MGST3: variants seen among roughly 807,000 people sequenced by gnomAD.
The protein encoded by MGST3 is glutathione S-transferase 3, mitochondrial.
A neutral mutation model predicts 15.8 loss-of-function variants in MGST3; 13 were observed. The ratio of observed to expected loss-of-function variants is 0.82; its 90% CI spans 0.54 to 1.31. The LOEUF (loss-of-function observed/expected upper bound fraction) is 1.31, where lower values mean the gene tolerates loss of function less well. Ranked by LOEUF, MGST3 falls within the 50% of genes most tolerant of loss-of-function variation. The pLI is 0.00. For missense variants in MGST3, 155 were observed against 192.4 expected (o/e 0.81, Z 1.15); for synonymous variants, 49 against 68.1 (o/e 0.72, Z 1.38).
chr1:165,644,570 CT>C (rs745787283), intron 1 of MGST3, among the ~76,000 whole-genome samples: 26 of 152,232 alleles, frequency 1.7e-4, no homozygotes, highest in Non-Finnish European at 3.4e-4. Flanking sequence ...TGCTGCAGAC[CT>C]TACGTACACT....
rs948017282 is a variant in MGST3, at chr1:165,633,444, A to AT, written c.-8+2160dup. Among the ~76,000 whole-genome samples the AT allele has an allele frequency of 3.7e-3, 552 of 149,572 alleles. 4 individuals are homozygous for AT. Among genetic ancestry groups the AT allele is most frequent in the African/African-American group, 0.012 (487 of 40,740 alleles). The stretch of plus-strand genomic sequence containing the variant: ...TTTAGTTGCCTTATTTCCACCCTTC[A>AT]TTTTTTTTTATTTTTTTAAAGCAAA... On this transcript the variant is annotated intron_variant, in intron 1 of 5. Coordinates refer to ENST00000367889, the MANE Select transcript of MGST3 (RefSeq NM_004528.4).
At chr1:165,644,045 C>A (rs1648330419) in intron 1 of MGST3, among the ~76,000 whole-genome samples, 1 of 140,122 alleles carries the variant, frequency 7.1e-6, no homozygotes, top group Non-Finnish European at 1.5e-5. Context: ...GCAACAGAGA[C>A]CCTGTGTTAA....
intron 5 of MGST3, among the ~76,000 whole-genome samples, chr1:165,654,770 G>A (rs542363759): frequency 8.5e-5 from 13 of 152,156 alleles, no homozygotes; most frequent in Non-Finnish European, 1.8e-4. Context: ...ATATTTAGGT[G>A]AAAGGTCTGT....
chr1:165,634,793 C>CTCCCTCTCCCTCCCTCCT (rs1648064157), intron 1 of MGST3, among the ~76,000 whole-genome samples: 1 of 132,260 alleles, frequency 7.6e-6, no homozygotes, highest in Admixed American at 7.5e-5. Flanking sequence ...CCCTCCCTCC[C>CTCCCTCTCCCTCCCTCCT]TCCCCCCCAC....
At chr1:165,652,061 T>A in intron 4 of MGST3, 26 bp downstream of exon 4, 1 of 1,542,216 alleles carries the variant, frequency 6.5e-7, no homozygotes, top group Non-Finnish European at 9.0e-7. Context: ...GGTGTTCATC[T>A]ATTTGGATAG....
chr1:165,649,971 G>A lies in MGST3; in HGVS notation c.117+7G>A. 1.2e-6 allele frequency: 2 copies of A among 1,613,898 alleles called. No individual in the cohort carries two copies. The highest frequency in any genetic ancestry group is 1.7e-6 in the Non-Finnish European group (2 of 1,180,026). ...CAAGAAGTACAAAGTGGAGGTAAGT[G>A]GGAACACAAGCTGGTGCCCTTGTAG... On this transcript the variant is annotated splice_region_variant and intron_variant, in intron 2 of 5. Coordinates refer to ENST00000367889, the MANE Select transcript of MGST3 (RefSeq NM_004528.4).
At chr1:165,634,484 C>T (rs1443466417) in intron 1 of MGST3, among the ~76,000 whole-genome samples, 1 of 152,030 alleles carries the variant, frequency 6.6e-6, no homozygotes, top group Non-Finnish European at 1.5e-5. Context: ...TTGATTTCTC[C>T]TACTTTTCTT....
chr1:165,654,757 C>G (rs7533986), intron 5 of MGST3, among the ~76,000 whole-genome samples: 5 of 152,024 alleles, frequency 3.3e-5, no homozygotes, highest in Admixed American at 6.5e-5. Flanking sequence ...GGGAAGTCAC[C>G]TGATATTTAG....
chr1:165,632,004 G>T (rs1647961713), intron 1 of MGST3: 10 of 497,378 alleles, frequency 2.0e-5, no homozygotes, highest in Admixed American at 1.3e-4. Flanking sequence ...GAGCCGTAGG[G>T]CTACAGTAGT....
intron 1 of MGST3, chr1:165,632,135 G>C (rs750734610): frequency 9.9e-7 from 1 of 1,013,492 alleles, no homozygotes. Context: ...TAATAGCGTC[G>C]GGGGCAAGTA....
intron 1 of MGST3, chr1:165,649,380 C>T (rs1648494378): frequency 1.2e-5 from 2 of 165,062 alleles, no homozygotes; most frequent in Non-Finnish European, 1.3e-5. Context: ...CTCCTCCCTC[C>T]CCACTCCCTC....
At chr1:165,632,346 T>C (rs1354897335) in intron 1 of MGST3, 17 of 1,526,150 alleles carry the variant, frequency 1.1e-5, no homozygotes, top group Non-Finnish European at 1.4e-5. Context: ...GGGTAGGAGC[T>C]GCAGCGCTTC....
chr1:165,632,246 T>C (rs1422996724), intron 1 of MGST3: 8 of 1,612,546 alleles, frequency 5.0e-6, no homozygotes, highest in Non-Finnish European at 6.8e-6. Flanking sequence ...GGAGATGCCC[T>C]GGAGGGGAAG....
chr1:165,652,653 G>C (rs1648592492), intron 4 of MGST3, among the ~76,000 whole-genome samples: 1 of 152,196 alleles, frequency 6.6e-6, no homozygotes, highest in South Asian at 2.1e-4. Flanking sequence ...GAGGGAGCAG[G>C]TGCTGCACGA....
chr1:165,632,182 G>A, intron 1 of MGST3: 3 of 1,523,614 alleles, frequency 2.0e-6, no homozygotes, highest in Non-Finnish European at 9.1e-7. Context: ...GCAGATACTA[G>A]GATGGGTAGA....
intron 1 of MGST3, among the ~76,000 whole-genome samples, chr1:165,648,187 T>C (rs894202288): frequency 1.3e-5 from 2 of 152,254 alleles, no homozygotes; most frequent in Non-Finnish European, 2.9e-5. Context: ...TCTCTGCAGC[T>C]GCACAGACAG....
At chr1:165,642,544 A>G (rs1363692495) in intron 1 of MGST3, among the ~76,000 whole-genome samples, 1 of 152,230 alleles carries the variant, frequency 6.6e-6, no homozygotes. Flanking sequence ...CATTTAGCCA[A>G]ACATCCCCGT....
chr1:165,651,964 T>A lies in MGST3; in HGVS notation c.192-14T>A. On this transcript the variant is annotated splice_polypyrimidine_tract_variant and intron_variant, in intron 3 of 5. Coordinates refer to ENST00000367889, the MANE Select transcript of MGST3 (RefSeq NM_004528.4). ...AAAGGGCACTTTTTAAAAGTTTCTT[T>A]CTGTCAATTCCAGGTTGGAAGTGTA... 2 of 1,607,530 alleles carry A rather than the reference T, an allele frequency of 1.2e-6. No homozygotes were observed. The highest frequency in any genetic ancestry group is 1.7e-6 in the Non-Finnish European group (2 of 1,174,572).
chr1:165,642,644 C>A (rs1015415537), intron 1 of MGST3, among the ~76,000 whole-genome samples: 5 of 152,182 alleles, frequency 3.3e-5, no homozygotes, highest in Non-Finnish European at 7.3e-5. Context: ...ATGTGTCAGG[C>A]ATCATGATGA....
Sources: gnomAD v4.1 joint callset for allele counts (sites outside exome capture counted in the v4.1 genomes callset) on GRCh38, gnomAD v4.1.1 for gene constraint, MANE v1.5 for transcripts, NCBI Gene and HGNC (gene_info 2026-07-23, HGNC 2026-07-21) for gene names.